The following DCAF6 variants were observed in gnomAD, a reference collection of about 807,000 sequenced individuals.
The protein encoded by DCAF6 is DDB1- and CUL4-associated factor 6.
DCAF6 carries 54 observed loss-of-function variants against 125.1 expected under a neutral mutation model. That is an observed-to-expected ratio of 0.43 (90% CI 0.35 to 0.54). The LOEUF is 0.54. DCAF6 is among the 20% of genes least tolerant of loss of function. The pLI is 0.01. For missense variants in DCAF6, 934 were observed against 1,161.7 expected (o/e 0.80, Z 2.85); for synonymous variants, 371 against 390.4 (o/e 0.95, Z 0.58).
At chr1:167,966,760 A>C (rs757978549) in intron 3 of DCAF6, 39 bp downstream of exon 3, 2 of 1,267,122 alleles carry the variant, frequency 1.6e-6, no homozygotes, top group Non-Finnish European at 2.3e-6. Flanking sequence ...AATGAGAGAA[A>C]AAAAATCAAG....
At chr1:167,904,714 G>A in the DCAF6 span, 1 of 608,760 alleles carries the variant, frequency 1.6e-6, no homozygotes. Flanking sequence ...GGCTGGAGAG[G>A]ATGAGTCAGT....
chr1:167,952,050 G>A (rs968488067), intron 2 of DCAF6, among the ~76,000 whole-genome samples, 189 bp downstream of exon 2: 3 of 152,148 alleles, frequency 2.0e-5, no homozygotes, highest in Non-Finnish European at 4.4e-5. Context: ...AAGTGCAGAT[G>A]AGTTTTCTAA....
the DCAF6 span, among the ~76,000 whole-genome samples, chr1:167,890,957 A>AG: frequency 6.6e-6 from 1 of 152,028 alleles, no homozygotes; most frequent in Non-Finnish European, 1.5e-5. Flanking sequence ...TTATTTATTT[A>AG]TTTAGTTAGT....
chr1:167,890,380 C>T, the DCAF6 span, among the ~76,000 whole-genome samples: 3 of 152,156 alleles, frequency 2.0e-5, no homozygotes, highest in Non-Finnish European at 4.4e-5. Context: ...GACTTTTGTT[C>T]TCTTCCCTTA....
At chr1:167,903,204 T>C in the DCAF6 span, among the ~76,000 whole-genome samples, 2 of 151,722 alleles carry the variant, frequency 1.3e-5, no homozygotes, top group African/African-American at 4.9e-5. Flanking sequence ...TGCAGTGAGC[T>C]GAGATCGTGC....
chr1:167,876,036 C>T, the DCAF6 span, among the ~76,000 whole-genome samples: 49 of 152,196 alleles, frequency 3.2e-4, no homozygotes, highest in East Asian at 9.3e-3. Flanking sequence ...GCAGGTGGAT[C>T]ATCTGAGGTC....
At chr1:167,902,042 A>C in the DCAF6 span, 3 of 1,612,528 alleles carry the variant, frequency 1.9e-6, no homozygotes, top group Non-Finnish European at 2.5e-6. Context: ...GTCTCCTCCA[A>C]AAATCAACAC....
chr1:167,917,963 C>A, the DCAF6 span: 4 of 167,182 alleles, frequency 2.4e-5, no homozygotes, highest in African/African-American at 9.5e-5. Context: ...AGCTACCTGA[C>A]CATCCTACAC....
At chr1:167,916,464 C>A in the DCAF6 span, among the ~76,000 whole-genome samples, 139 of 152,306 alleles carry the variant, frequency 9.1e-4, no homozygotes, top group African/African-American at 3.2e-3. Context: ...GCCTTGGCCT[C>A]CCAAAGTGCT....
upstream of DCAF6, chr1:167,936,654 G>C (rs1208366095): frequency 2.4e-6 from 1 of 416,266 alleles, no homozygotes; most frequent in Non-Finnish European, 4.3e-6. Flanking sequence ...TTGGAGGGGG[G>C]CTGAGGGAGG....
chr1:168,063,756 A>G lies in DCAF6; in HGVS notation c.2436A>G (p.Thr812=), dbSNP rs766571320. ...ATAAAGGCCATCGCAACTCCAGGAC[A>G]ATGGTACCAAATGTTCATGGCATTT... ...MVYKGHRNSR[T]MIKEANFWGA... The change falls in exon 18 of 22, where the codon ACA becomes ACG. Residue 812 remains threonine, a synonymous_variant. Transcript: ENST00000367840. 360 of 1,597,106 alleles carry G rather than the reference A, an allele frequency of 2.3e-4. No individual in the cohort carries two copies. Among genetic ancestry groups the G allele is most frequent in the Non-Finnish European group, 2.9e-4 (335 of 1,174,638 alleles).
At chr1:167,985,843 A>T (rs959027671) in intron 4 of DCAF6, among the ~76,000 whole-genome samples, 1 of 152,202 alleles carries the variant, frequency 6.6e-6, no homozygotes, top group Non-Finnish European at 1.5e-5. Flanking sequence ...TGTACTCAGC[A>T]TCTAGAACAA....
the DCAF6 span, chr1:167,901,990 C>T: frequency 1.9e-6 from 3 of 1,613,706 alleles, no homozygotes; most frequent in Non-Finnish European, 2.5e-6. Context: ...CTTTCTTACC[C>T]CTTCTATCTT....
chr1:167,917,070 T>G, the DCAF6 span: 2 of 152,242 alleles, frequency 1.3e-5, no homozygotes, highest in African/African-American at 2.4e-5. Context: ...TTGAAATAAC[T>G]TGCTTTGCTG....
the DCAF6 span, among the ~76,000 whole-genome samples, chr1:167,921,317 G>C: frequency 6.6e-6 from 1 of 151,806 alleles, no homozygotes; most frequent in Non-Finnish European, 1.5e-5. Flanking sequence ...CCACCTCCCA[G>C]TTTCAAGCAA....
chr1:167,924,248 T>C, the DCAF6 span, among the ~76,000 whole-genome samples: 1 of 152,148 alleles, frequency 6.6e-6, no homozygotes, highest in Non-Finnish European at 1.5e-5. Flanking sequence ...GTCCATGTGG[T>C]GCACAATTGT....
intron 7 of DCAF6, among the ~76,000 whole-genome samples, chr1:168,001,957 G>A (rs182764058): frequency 6.6e-6 from 1 of 152,198 alleles, no homozygotes; most frequent in Non-Finnish European, 1.5e-5. Flanking sequence ...AAGAATGAGG[G>A]CAGCAGGATG....
At chr1:167,869,271 G>T in the DCAF6 span, among the ~76,000 whole-genome samples, 1 of 152,128 alleles carries the variant, frequency 6.6e-6, no homozygotes, top group Admixed American at 6.5e-5. Context: ...TTCTTCAAAT[G>T]ATAAAAAGCT....
the DCAF6 span, among the ~76,000 whole-genome samples, chr1:167,919,432 T>C: frequency 2.6e-5 from 4 of 152,216 alleles, no homozygotes; most frequent in Non-Finnish European, 4.4e-5. Flanking sequence ...TATTTGATCA[T>C]AATGTCATTA....
Sources: gnomAD v4.1 joint callset for allele counts (sites outside exome capture counted in the v4.1 genomes callset) on GRCh38, gnomAD v4.1.1 for gene constraint, MANE v1.5 for transcripts, NCBI Gene and HGNC (gene_info 2026-07-23, HGNC 2026-07-21) for gene names.